Variants in IL25 observed in about 807,000 individuals in gnomAD.
IL25 encodes the protein interleukin-25.
In IL25, 10 loss-of-function variants were observed where a neutral mutation model predicts 13.2. The observed-to-expected ratio is 0.76, with a 90% CI of 0.47 to 1.29. The LOEUF (loss-of-function observed/expected upper bound fraction) is 1.29, where lower values mean the gene tolerates loss of function less well. IL25 is among the 50% of genes most tolerant of loss of function. IL25 has a pLI of 0.00. For synonymous variants in IL25, 107 were observed against 92.1 expected (o/e 1.16, Z -0.93); for missense variants, 235 against 232.4 (o/e 1.01, Z -0.07).
exon 2 of IL25, chr14:23,375,713 C>T (rs938642048): frequency 6.2e-7 from 1 of 1,614,234 alleles, no homozygotes; most frequent in Non-Finnish European, 8.5e-7. Flanking sequence ...GACAGGCTCC[C>T]ACATGGACCC....
rs374734021 is a variant in IL25 at position 23,375,616 on chromosome 14, C to A, written c.279-9C>A. The A allele has an allele frequency of 6.2e-7, 1 of 1,610,324 alleles. No individual in the cohort carries two copies. Reference sequence around the variant, plus strand: ...TCTTTCCAAGGCCTGACAAGTGCCGCCCCCACAGGTTGGACAGAGACTTGA... The same window carrying A: ...TCTTTCCAAGGCCTGACAAGTGCCGACCCCACAGGTTGGACAGAGACTTGA... On this transcript the variant is annotated splice_polypyrimidine_tract_variant and intron_variant, in intron 1 of 1. Coordinates refer to ENST00000329715, the Ensembl canonical transcript of IL25.
chr14:23,375,552 G>A, intron 1 of IL25, 73 bp from the exon 3 acceptor site: 1 of 1,547,010 alleles, frequency 6.5e-7, no homozygotes, highest in African/African-American at 1.4e-5. Context: ...CCTTCTTCTG[G>A]CACTCCCATG....
At chr14:23,374,467 T>C (rs1263355622) in intron 1 of IL25, among the ~76,000 whole-genome samples, 1 of 152,208 alleles carries the variant, frequency 6.6e-6, no homozygotes, top group Non-Finnish European at 1.5e-5. Flanking sequence ...ATACTGTCAT[T>C]GTACATTAAA....
At chr14:23,375,100 T>G (rs932184225) in intron 1 of IL25, among the ~76,000 whole-genome samples, 1 of 152,112 alleles carries the variant, frequency 6.6e-6, no homozygotes, top group Non-Finnish European at 1.5e-5. Context: ...GCCAACATCA[T>G]GAAACCCCAT....
exon 1 of IL25, chr14:23,373,256 C>T (rs1316620592): frequency 1.7e-5 from 28 of 1,614,070 alleles, no homozygotes; most frequent in Non-Finnish European, 2.3e-5. Flanking sequence ...AAGGGCAGGA[C>T]ACCTCTGAGG....
intron 1 of IL25, among the ~76,000 whole-genome samples, chr14:23,373,868 T>A (rs2138558735): frequency 6.6e-6 from 1 of 152,274 alleles, no homozygotes; most frequent in African/African-American, 2.4e-5. Flanking sequence ...AACCCTTAAC[T>A]TTTGGGGGCA....
intron 1 of IL25, among the ~76,000 whole-genome samples, chr14:23,374,733 T>TCTTTCTTTCTTTCTTTC (rs59079443): frequency 3.0e-4 from 23 of 76,674 alleles, no homozygotes; most frequent in African/African-American, 1.2e-3. Flanking sequence ...TTTCTTTCTT[T>TCTTTCTTTCTTTCTTTC]TTTTTTTTTT....
intron 1 of IL25, among the ~76,000 whole-genome samples, chr14:23,373,805 T>G (rs976994954): frequency 6.6e-6 from 1 of 152,180 alleles, no homozygotes; most frequent in South Asian, 2.1e-4. Flanking sequence ...CCAATACCAA[T>G]TGATACTGCC....
chr14:23,373,382 C>A (rs780213427), exon 1 of IL25: 2 of 1,610,030 alleles, frequency 1.2e-6, no homozygotes, highest in Non-Finnish European at 1.7e-6. Context: ...GGGCCATCTC[C>A]CCCTGGAGAT....
chr14:23,376,013 A>C (rs1262341869), exon 2 of IL25: 3 of 1,237,524 alleles, frequency 2.4e-6, no homozygotes, highest in Non-Finnish European at 3.4e-6. Flanking sequence ...ATCCCGGGAC[A>C]GGATGGGGGG....
chr14:23,375,598 A>G (rs1446130078), intron 1 of IL25, 27 bp from the exon 3 acceptor site: 2 of 1,603,988 alleles, frequency 1.2e-6, no homozygotes, highest in East Asian at 4.5e-5. Flanking sequence ...CCATCTTTCC[A>G]AGGCCTGACA....
chr14:23,375,820 G>A (rs1890538349), exon 2 of IL25: 3 of 1,614,264 alleles, frequency 1.9e-6, no homozygotes. Flanking sequence ...ACTGCCTGGA[G>A]CGCAGGCTGT....
At chr14:23,372,872 A>C in exon 1 of IL25, 1 of 1,164,708 alleles carries the variant, frequency 8.6e-7, no homozygotes, top group African/African-American at 1.5e-5. Flanking sequence ...GCTTGCTGAA[A>C]ATAAAATCAG....
At chr14:23,375,722 C>T in exon 2 of IL25, 1 of 1,614,226 alleles carries the variant, frequency 6.2e-7, no homozygotes, top group South Asian at 1.1e-5. Flanking sequence ...CCACATGGAC[C>T]CCCGGGGCAA....
At chr14:23,373,382 C>G (rs780213427) in exon 1 of IL25, 3 of 1,610,148 alleles carry the variant, frequency 1.9e-6, no homozygotes, top group Admixed American at 3.3e-5. Context: ...GGGCCATCTC[C>G]CCCTGGAGAT....
At chr14:23,375,068 A>C (rs11465516) in intron 1 of IL25, among the ~76,000 whole-genome samples, 2,208 of 152,212 alleles carry the variant, frequency 0.015, 50 homozygotes, top group African/African-American at 0.05. Flanking sequence ...TCAGGAGTTC[A>C]AGACCAGCCT....
intron 1 of IL25, among the ~76,000 whole-genome samples, chr14:23,375,349 G>T (rs1351781031): frequency 1.3e-5 from 2 of 152,216 alleles, no homozygotes; most frequent in Non-Finnish European, 1.5e-5. Context: ...GTCAATGGAG[G>T]CTAAGGCAGG....
At chr14:23,373,103 C>T (rs1890456187) in exon 1 of IL25, 1 of 1,613,740 alleles carries the variant, frequency 6.2e-7, no homozygotes, top group East Asian at 2.2e-5. Flanking sequence ...ACTGGGATCC[C>T]AGGGGGAGGG....
chr14:23,376,153 C>G (rs1890553235), exon 2 of IL25: 3 of 480,958 alleles, frequency 6.2e-6, no homozygotes, highest in Non-Finnish European at 1.1e-5. Context: ...TGGAGGCCAC[C>G]ACTCCTGTCT....
Sources: gnomAD v4.1 joint callset for allele counts (sites outside exome capture counted in the v4.1 genomes callset) on GRCh38, gnomAD v4.1.1 for gene constraint, MANE v1.5 for transcripts, NCBI Gene and HGNC (gene_info 2026-07-23, HGNC 2026-07-21) for gene names.